Variants in THBS2 observed in about 807,000 individuals in gnomAD.
THBS2 encodes the protein thrombospondin-2.
THBS2 carries 47 observed loss-of-function variants against 135.2 expected under a neutral mutation model. That is an observed-to-expected ratio of 0.35 (90% CI 0.28 to 0.44). THBS2 has a LOEUF of 0.44. THBS2 is among the 20% of genes least tolerant of loss of function. The pLI is 1.00. For synonymous variants in THBS2, 639 were observed against 633.8 expected, an observed-to-expected ratio of 1.01 and a Z score of -0.12; for missense variants, 1,288 against 1,603.1, an observed-to-expected ratio of 0.80 and a Z score of 3.36.
Position 169,248,989 on chromosome 6 carries a change from C to T in THBS2, c.53-16G>A. On this transcript the variant is annotated splice_polypyrimidine_tract_variant and intron_variant, in intron 2 of 21. Coordinates refer to ENST00000617924, the MANE Select transcript of THBS2 (RefSeq NM_003247.5). ...TGGTGACCAGCTGCAAAGGGAACCG[C>T]AGTGGAGAAGGGTGACGTAGGGGAA... 2.5e-6 allele frequency: 4 copies of T among 1,584,676 alleles called. No individual in the cohort carries two copies. Among genetic ancestry groups the T allele is most frequent in the Non-Finnish European group, 3.4e-6 (4 of 1,161,994 alleles).
At position 169,248,606 on chromosome 6, in the gene THBS2, C is replaced by T; in HGVS notation, c.420G>A (p.Glu140=). 6.2e-7 allele frequency: 1 copy of T among 1,614,102 alleles called. No individual in the cohort carries two copies. The highest frequency in any genetic ancestry group is 8.5e-7 in the Non-Finnish European group (1 of 1,180,044). Residue 140 remains glutamate, a synonymous_variant, in exon 3 of 22, where the codon GAG becomes GAA. Coordinates refer to ENST00000617924, the MANE Select transcript of THBS2 (RefSeq NM_003247.5). ...IDGTRHVVSL[E]DVGLADSQWK... ...ACTGCGAGTCAGCCAGGCCGACGTC[C>T]TCCAGGGAGACCACATGCCGGGTGC...
Position 169,215,914 on chromosome 6 carries a change from C to G in THBS2, c.*1908G>C, listed in dbSNP as rs1028934329. On this transcript the variant is annotated 3_prime_UTR_variant, in exon 22 of 22. Coordinates refer to ENST00000617924, the MANE Select transcript of THBS2 (RefSeq NM_003247.5). ...ATAAATAAATATTTACAGTCTTTGGCAAAACACATGACGTTTCATCAACCT... is the reference window on the plus strand; with the variant it reads ...ATAAATAAATATTTACAGTCTTTGGGAAAACACATGACGTTTCATCAACCT... 1.3e-5 allele frequency: 2 copies of G among 152,472 alleles called. No individual in the cohort carries two copies. Among genetic ancestry groups the G allele is most frequent in the Admixed American group, 6.5e-5 (1 of 15,280 alleles). The allele number at this position is 152,472 out of a possible 1,614,324, so 9.4% of individuals were successfully genotyped here. A position where few individuals can be genotyped will look rare whatever the true frequency, so the allele number is the denominator to read the frequency against.
Position 169,232,184 on chromosome 6 carries a change from T to C in THBS2, c.1947A>G (p.Glu649=), listed in dbSNP as rs1406583144. The change falls in exon 13 of 22, where the codon GAA becomes GAG. Residue 649 remains glutamate, a synonymous_variant. Transcript: ENST00000617924. ...TGTGTGTCTTGTCCTTGCATGGGTT[T>C]TCGGGCTCACACACCTACGGGGAGA... The part of the protein sequence containing the change: ...AKTEKQVCEP[E]NPCKDKTHNC... 1 of 1,613,586 alleles carries C rather than the reference T, an allele frequency of 6.2e-7. No individual in the cohort carries two copies. Among genetic ancestry groups the C allele is most frequent in the East Asian group, 2.2e-5 (1 of 44,870 alleles).
chr6:169,231,136 A>G (rs2114992520), intron 13 of THBS2, among the ~76,000 whole-genome samples: 1 of 152,228 alleles, frequency 6.6e-6, no homozygotes, highest in South Asian at 2.1e-4. Flanking sequence ...AGTGAATTTC[A>G]TCTTGTATGG....
Position 169,246,236 on chromosome 6 carries a change from C to T in THBS2, c.655G>A (p.Asp219Asn). The change falls in exon 4 of 22, where the codon GAT (aspartate) becomes AAT (asparagine). Residue 219 changes from aspartate to asparagine, a missense_variant. By Grantham distance (23) the Asp-to-Asn change is conservative. This residue lies in a region of THBS2 where 414 missense variants were observed against 447.0 expected (regional missense o/e 0.93). Coordinates refer to ENST00000617924, the MANE Select transcript of THBS2 (RefSeq NM_003247.5). ...TGGCAACCCTTCTTGCTTAGAATAT[C>T]TTCCACAGAGTTTTCAAACACTAGG... ...VHLVFENSVE[D>N]ILSKKGCQQG... 1.9e-6 allele frequency: 3 copies of T among 1,613,980 alleles called. No homozygotes were observed. The highest frequency in any genetic ancestry group is 2.5e-6 in the Non-Finnish European group (3 of 1,180,014).
At position 169,241,907 on chromosome 6, in the gene THBS2, T is replaced by C. The variant is rs1003546169; in HGVS notation, c.746A>G (p.His249Arg). 6.2e-7 allele frequency: 1 copy of C among 1,611,990 alleles called. No homozygotes were observed. Among genetic ancestry groups the C allele is most frequent in the Non-Finnish European group, 8.5e-7 (1 of 1,179,886 alleles). ...GGGGCCCACGTACTCGGTGGTGACA[T>C]GCGGACCCAGGCGCAGCGTCTCTGT... ...ENTETLRLGP[H>R]VTTEYVGPSS... Residue 249 changes from histidine to arginine, a missense_variant, in exon 5 of 22, where the codon CAT becomes CGT. Around this residue, in one of 2 missense-constraint regions of THBS2, gnomAD observed 414 missense variants for 447.0 expected, o/e 0.93. Transcript: ENST00000617924. The surrounding 1 kb of genome is among the most constrained non-coding windows in gnomAD (Gnocchi z 5.5).
At chr6:169,228,906 C>CAA (rs535971273) in intron 14 of THBS2, among the ~76,000 whole-genome samples, 1,233 of 112,808 alleles carry the variant, frequency 0.011, 21 homozygotes, top group African/African-American at 0.031. Context: ...CCTGAGCGAC[C>CAA]AAAAAAAAAA....
intron 6 of THBS2, among the ~76,000 whole-genome samples, chr6:169,240,233 C>T (rs1583416422): frequency 6.6e-6 from 1 of 151,762 alleles, no homozygotes; most frequent in Non-Finnish European, 1.5e-5. Flanking sequence ...CAGGTTGCTC[C>T]CCCTCTCTGG....
rs1172986813 is a variant in THBS2, at chr6:169,217,212, T to C, written c.*610A>G. 1 of 152,308 alleles carries C rather than the reference T, an allele frequency of 6.6e-6. No individual in the cohort carries two copies. Among genetic ancestry groups the C allele is most frequent in the Non-Finnish European group, 1.5e-5 (1 of 68,092 alleles). The allele number at this position is 152,308 out of a possible 1,614,324, so 9.4% of individuals were successfully genotyped here. Reference sequence around the variant, plus strand: ...GAGAGTTCGTTTATTTTTGTAACTGTTTTACATGTTCCGATTAGTTAATCG... The same window carrying C: ...GAGAGTTCGTTTATTTTTGTAACTGCTTTACATGTTCCGATTAGTTAATCG... On this transcript the variant is annotated 3_prime_UTR_variant, in exon 22 of 22. Transcript: ENST00000617924.
At chr6:169,247,413 G>A (rs1780588217) in intron 3 of THBS2, among the ~76,000 whole-genome samples, 1 of 151,990 alleles carries the variant, frequency 6.6e-6, no homozygotes, top group Non-Finnish European at 1.5e-5. Flanking sequence ...TTTGCATGAG[G>A]TGTTTGTGTG....
At position 169,252,928 on chromosome 6, in the gene THBS2, CAACAGCAGTCTGATTA is replaced by C. The variant is rs1489464524; in HGVS notation, c.-23+780_-23+795del. Reference sequence around the variant, plus strand: ...TAATTGTTTACCGGCCGTCCACCACCAACAGCAGTCTGATTAAACACCAGACTCCTGGGTGCTCAGC... The same window carrying C: ...TAATTGTTTACCGGCCGTCCACCACCAACACCAGACTCCTGGGTGCTCAGC... On this transcript the variant is annotated intron_variant, in intron 1 of 21. Transcript: ENST00000617924. The surrounding 1 kb of genome is among the most constrained non-coding windows in gnomAD (Gnocchi z 4.3). 6.6e-6 allele frequency among the ~76,000 whole-genome samples: 1 copy of C among 152,186 alleles called. No homozygotes were observed. Among genetic ancestry groups the C allele is most frequent in the Non-Finnish European group, 1.5e-5 (1 of 68,038 alleles).
intron 7 of THBS2, among the ~76,000 whole-genome samples, chr6:169,238,347 G>T (rs1240469402): frequency 6.6e-6 from 1 of 152,194 alleles, no homozygotes; most frequent in Non-Finnish European, 1.5e-5. Flanking sequence ...CTAAATGGGG[G>T]GAAAGAGCAA....
intron 9 of THBS2, among the ~76,000 whole-genome samples, chr6:169,236,495 A>ATC (rs1562360112): frequency 6.9e-5 from 7 of 101,894 alleles, no homozygotes; most frequent in Non-Finnish European, 1.0e-4. Context: ...CTCACTCTCC[A>ATC]CATTCACTCC....
intron 4 of THBS2, among the ~76,000 whole-genome samples, chr6:169,244,311 G>T (rs1780471433): frequency 1.1e-5 from 1 of 89,600 alleles, no homozygotes; most frequent in South Asian, 4.4e-4. Context: ...GTGTATGCTG[G>T]TAACACACAC....
At chr6:169,223,513 A>T in intron 17 of THBS2, 38 bp from the exon 18 acceptor site, 3 of 1,585,174 alleles carry the variant, frequency 1.9e-6, no homozygotes, top group Non-Finnish European at 2.6e-6. Flanking sequence ...AAACAAAAAC[A>T]AAGAAGCAAA....
At chr6:169,224,487 G>T (rs1250036277) in intron 17 of THBS2, among the ~76,000 whole-genome samples, 1 of 152,114 alleles carries the variant, frequency 6.6e-6, no homozygotes, top group Non-Finnish European at 1.5e-5. Flanking sequence ...TGCCCCTCAA[G>T]TCCTTATCTC....
rs542646796 is a variant in THBS2, at chr6:169,252,653, T to C, written c.-23+1071A>G. Among the ~76,000 whole-genome samples, 6 of 152,266 alleles carry C rather than the reference T, an allele frequency of 3.9e-5. No individual in the cohort carries two copies. The highest frequency in any genetic ancestry group is 1.4e-4 in the African/African-American group (6 of 41,566). ...GTGAGGCTCCATCCCACAGGAAGGA[T>C]GAGCAGCCAGGCTACCTGGCCTCAG... On this transcript the variant is annotated intron_variant, in intron 1 of 21. Coordinates refer to ENST00000617924, the MANE Select transcript of THBS2 (RefSeq NM_003247.5). This position sits in a 1 kb window ranked among gnomAD's most constrained non-coding sequence, Gnocchi z 4.3.
intron 2 of THBS2, among the ~76,000 whole-genome samples, chr6:169,249,808 A>T (rs577869650): frequency 6.6e-6 from 1 of 152,290 alleles, no homozygotes; most frequent in African/African-American, 2.4e-5. Context: ...AGGTGGGTGG[A>T]TCATGAGGTC....
chr6:169,232,845 G>C (rs1779895689), intron 11 of THBS2, 29 bp from the exon 12 acceptor site: 1 of 1,607,480 alleles, frequency 6.2e-7, no homozygotes, highest in Admixed American at 1.7e-5. Flanking sequence ...ATGAGAGGCC[G>C]CTCCCGACCT....
Sources: gnomAD v4.1 joint callset for allele counts (sites outside exome capture counted in the v4.1 genomes callset) on GRCh38, gnomAD v4.1.1 for gene constraint, gnomAD v4.1.1 regional missense constraint, Gnocchi (gnomAD v3.1) non-coding constraint, MANE v1.5 for transcripts, NCBI Gene and HGNC (gene_info 2026-07-23, HGNC 2026-07-21) for gene names.